Variants in ARID4B observed in about 807,000 individuals in gnomAD.
ARID4B encodes AT-rich interactive domain-containing protein 4B.
In ARID4B, 26 loss-of-function variants were observed where a neutral mutation model predicts 147.5. The observed-to-expected ratio is 0.18, with a 90% CI of 0.13 to 0.24. The LOEUF (loss-of-function observed/expected upper bound fraction) is 0.24, where lower values mean the gene tolerates loss of function less well. Ranked by LOEUF, ARID4B falls within the 10% of genes least tolerant of loss-of-function variation. ARID4B has a pLI of 1.00. For missense variants in ARID4B, 1,179 were observed against 1,511.5 expected (o/e 0.78, Z 3.65); for synonymous variants, 512 against 507.9 (o/e 1.01, Z -0.11).
chr1:235,225,089 G>A (rs1275850822), intron 11 of ARID4B, among the ~76,000 whole-genome samples: 3 of 152,070 alleles, frequency 2.0e-5, no homozygotes, highest in Non-Finnish European at 4.4e-5. Flanking sequence ...TTTACCATAT[G>A]AGAGAGCTAT....
At chr1:235,178,719 T>A (rs1664061801) in intron 20 of ARID4B, among the ~76,000 whole-genome samples, 1 of 152,060 alleles carries the variant, frequency 6.6e-6, no homozygotes. Context: ...AAAGTAAGAT[T>A]TTTTCTCCAG....
At chr1:235,223,340 T>C in intron 12 of ARID4B, 80 bp from the exon 13 acceptor site, 1 of 512,886 alleles carries the variant, frequency 1.9e-6, no homozygotes, top group Non-Finnish European at 3.2e-6. Context: ...ATAATACAAG[T>C]ATTTATAGTA....
intron 9 of ARID4B, among the ~76,000 whole-genome samples, chr1:235,232,879 C>A (rs952494717): frequency 2.0e-5 from 3 of 151,692 alleles, no homozygotes; most frequent in Non-Finnish European, 4.4e-5. Flanking sequence ...TTGTTGTCAC[C>A]CAGGCTGGAG....
chr1:235,173,838 T>TATAC (rs1663643274), intron 22 of ARID4B, among the ~76,000 whole-genome samples: 2 of 131,608 alleles, frequency 1.5e-5, no homozygotes, highest in Admixed American at 8.0e-5. Context: ...TATATATATA[T>TATAC]ACCTTTTTTT....
chr1:235,220,111 A>C, intron 15 of ARID4B, 143 bp from the exon 16 acceptor site: 1 of 801,028 alleles, frequency 1.2e-6, no homozygotes, highest in Non-Finnish European at 1.8e-6. Context: ...CTGCTACTTT[A>C]AAGCTCTAGA....
At chr1:235,271,453 A>C (rs1670981060) in intron 2 of ARID4B, among the ~76,000 whole-genome samples, 1 of 151,948 alleles carries the variant, frequency 6.6e-6, no homozygotes, top group Non-Finnish European at 1.5e-5. Context: ...AACATGGTGA[A>C]ACCCAGTCTC....
At chr1:235,273,588 T>C (rs1243891661) in intron 2 of ARID4B, among the ~76,000 whole-genome samples, 2 of 152,228 alleles carry the variant, frequency 1.3e-5, no homozygotes, top group East Asian at 1.9e-4. Context: ...AGAAAATGTA[T>C]ACTTGTACCT....
At chr1:235,199,450 C>T (rs1311635614) in intron 17 of ARID4B, among the ~76,000 whole-genome samples, 1 of 152,044 alleles carries the variant, frequency 6.6e-6, no homozygotes, top group African/African-American at 2.4e-5. Context: ...ACTTTTAGAA[C>T]TAGAGCATAT....
intron 2 of ARID4B, among the ~76,000 whole-genome samples, chr1:235,306,803 G>A (rs1673601530): frequency 1.3e-5 from 2 of 151,930 alleles, no homozygotes; most frequent in South Asian, 4.1e-4. Flanking sequence ...TTTCAGGTGT[G>A]CACCACCACA....
At chr1:235,273,383 C>A (rs939961645) in intron 2 of ARID4B, among the ~76,000 whole-genome samples, 3 of 152,168 alleles carry the variant, frequency 2.0e-5, no homozygotes, top group African/African-American at 7.2e-5. Context: ...TAAATTATCT[C>A]TCCTTTACAG....
At chr1:235,268,140 C>T (rs1375535026) in intron 2 of ARID4B, among the ~76,000 whole-genome samples, 1 of 152,000 alleles carries the variant, frequency 6.6e-6, no homozygotes, top group African/African-American at 2.4e-5. Context: ...TGAATAGGGA[C>T]AGAGGAGATA....
At chr1:235,263,257 A>G (rs1234685918) in intron 2 of ARID4B, among the ~76,000 whole-genome samples, 1 of 152,262 alleles carries the variant, frequency 6.6e-6, no homozygotes, top group Non-Finnish European at 1.5e-5. Context: ...TAAAAGTTGC[A>G]TATTTGTACC....
chr1:235,209,720 T>C (rs1460983226), intron 17 of ARID4B, among the ~76,000 whole-genome samples: 2 of 151,768 alleles, frequency 1.3e-5, no homozygotes, highest in African/African-American at 2.4e-5. Flanking sequence ...CCTGCCACCA[T>C]GTCTGGCTAA....
At chr1:235,325,360 C>T (rs1675151108) in intron 2 of ARID4B, among the ~76,000 whole-genome samples, 1 of 149,298 alleles carries the variant, frequency 6.7e-6, no homozygotes, top group Non-Finnish European at 1.5e-5. Context: ...TTTAAACAGA[C>T]TACTTAAAAA....
At chr1:235,210,948 A>C (rs1402072018) in intron 17 of ARID4B, among the ~76,000 whole-genome samples, 2 of 152,240 alleles carry the variant, frequency 1.3e-5, no homozygotes, top group Admixed American at 1.3e-4. Flanking sequence ...TTCTTAACAA[A>C]ACAAAGCTAT....
intron 2 of ARID4B, among the ~76,000 whole-genome samples, chr1:235,282,981 C>T (rs1053151424): frequency 7.2e-5 from 11 of 152,034 alleles, no homozygotes; most frequent in African/African-American, 2.4e-4. Flanking sequence ...GGGGTTTCAC[C>T]GTGTTAGCCA....
chr1:235,200,482 G>GA (rs1202730719), intron 17 of ARID4B, among the ~76,000 whole-genome samples: 1 of 151,900 alleles, frequency 6.6e-6, no homozygotes, highest in East Asian at 1.9e-4. Flanking sequence ...TTCATGCGGG[G>GA]AAAAACTCTA....
intron 10 of ARID4B, among the ~76,000 whole-genome samples, chr1:235,230,865 G>A (rs1441906731): frequency 6.6e-6 from 1 of 151,398 alleles, no homozygotes; most frequent in African/African-American, 2.4e-5. Flanking sequence ...AGAGGTTGCA[G>A]TGAGCCGAGA....
chr1:235,288,421 G>A (rs1259310284), intron 2 of ARID4B, among the ~76,000 whole-genome samples: 1 of 151,818 alleles, frequency 6.6e-6, no homozygotes, highest in Non-Finnish European at 1.5e-5. Context: ...TTACATACAC[G>A]TACATGTATC....
Sources: allele counts gnomAD v4.1 joint callset (sites outside exome capture counted in the v4.1 genomes callset), GRCh38; gene constraint gnomAD v4.1.1; transcripts MANE v1.5; gene names NCBI Gene and HGNC (gene_info 2026-07-23, HGNC 2026-07-21).